GRID2: variants seen among roughly 807,000 people sequenced by gnomAD.
The protein encoded by GRID2 is glutamate receptor ionotropic, delta-2.
A neutral mutation model predicts 114.8 loss-of-function variants in GRID2; 33 were observed. The ratio of observed to expected loss-of-function variants is 0.29; its 90% CI spans 0.22 to 0.38. The LOEUF (loss-of-function observed/expected upper bound fraction) is 0.38, where lower values mean the gene tolerates loss of function less well. GRID2 is among the 10% of genes least tolerant of loss of function. GRID2 has a pLI of 1.00. For synonymous variants in GRID2, 505 were observed against 449.9 expected (o/e 1.12, Z -1.55); for missense variants, 1,184 against 1,257.7 (o/e 0.94, Z 0.89).
intron 8 of GRID2, among the ~76,000 whole-genome samples, chr4:93,374,540 T>C (rs1763204683): frequency 6.6e-6 from 1 of 152,162 alleles, no homozygotes; most frequent in African/African-American, 2.4e-5. Flanking sequence ...TGCCAGCTGG[T>C]ATCTTATTTT....
At chr4:93,041,503 T>A (rs970439769) in intron 2 of GRID2, among the ~76,000 whole-genome samples, 1 of 152,170 alleles carries the variant, frequency 6.6e-6, no homozygotes, top group Admixed American at 6.5e-5. Context: ...ATTCATTGAG[T>A]TGTAGTTAAA....
At chr4:92,728,537 T>C (rs921878035) in intron 2 of GRID2, among the ~76,000 whole-genome samples, 1 of 151,936 alleles carries the variant, frequency 6.6e-6, no homozygotes, top group Non-Finnish European at 1.5e-5. Context: ...ATAAGGAATA[T>C]AAAAGAGAAT....
At chr4:93,164,353 G>A (rs1234940122) in intron 4 of GRID2, among the ~76,000 whole-genome samples, 1 of 152,042 alleles carries the variant, frequency 6.6e-6, no homozygotes, top group Non-Finnish European at 1.5e-5. Flanking sequence ...AGTAAGGATA[G>A]CAGCACTGAG....
At chr4:93,663,828 C>T (rs1321201116) in intron 14 of GRID2, among the ~76,000 whole-genome samples, 3 of 152,130 alleles carry the variant, frequency 2.0e-5, no homozygotes, top group Non-Finnish European at 2.9e-5. Context: ...AGTAGTTACC[C>T]AGGGTATCTC....
intron 1 of GRID2, among the ~76,000 whole-genome samples, chr4:92,321,313 T>G (rs1031097084): frequency 5.3e-5 from 8 of 152,164 alleles, no homozygotes; most frequent in African/African-American, 1.7e-4. Context: ...GAAAAGACAT[T>G]TGCAAATACT....
chr4:92,315,041 G>A (rs1725896113), intron 1 of GRID2, among the ~76,000 whole-genome samples: 1 of 152,132 alleles, frequency 6.6e-6, no homozygotes, highest in South Asian at 2.1e-4. Context: ...GAAAGGAAAT[G>A]TTCTAAATTT....
chr4:92,785,698 A>C (rs1405047486), intron 2 of GRID2, among the ~76,000 whole-genome samples: 2 of 151,780 alleles, frequency 1.3e-5, no homozygotes, highest in East Asian at 3.9e-4. Context: ...TAAGCTTTTT[A>C]AATTCCTATT....
chr4:92,446,546 TGTAAA>T (rs1394450614), intron 1 of GRID2, among the ~76,000 whole-genome samples: 1 of 152,232 alleles, frequency 6.6e-6, no homozygotes, highest in Admixed American at 6.5e-5. Context: ...GAGGACCTAT[TGTAAA>T]GTTCTCTGAT....
At chr4:92,997,344 T>G (rs1365520913) in intron 2 of GRID2, among the ~76,000 whole-genome samples, 2 of 152,154 alleles carry the variant, frequency 1.3e-5, no homozygotes, top group African/African-American at 4.8e-5. Flanking sequence ...ACCTGAGCTC[T>G]GATCCTAAGA....
rs775203703 is a variant in GRID2 at position 93,059,004 on chromosome 4, A to G, written c.245-25991A>G. On this transcript the variant is annotated intron_variant, in intron 2 of 15. Coordinates refer to ENST00000282020, the MANE Select transcript of GRID2 (RefSeq NM_001510.4). Reference sequence around the variant, plus strand: ...ATAACCATTTGCATTGCACTTGATCACATAGTAGAAAGAAGCCACCTTGCA... The same window carrying G: ...ATAACCATTTGCATTGCACTTGATCGCATAGTAGAAAGAAGCCACCTTGCA... 5.4e-4 allele frequency among the ~76,000 whole-genome samples: 82 copies of G among 152,062 alleles called. 1 individual carries two copies. Among genetic ancestry groups the G allele is most frequent in the Non-Finnish European group, 8.8e-5 (6 of 68,008 alleles).
intron 2 of GRID2, among the ~76,000 whole-genome samples, chr4:92,793,482 C>CA (rs1277246048): frequency 2.6e-5 from 4 of 151,274 alleles, no homozygotes; most frequent in Admixed American, 6.6e-5. Flanking sequence ...ATTTGTACCA[C>CA]AAACCCCCAT....
intron 3 of GRID2, among the ~76,000 whole-genome samples, chr4:93,086,419 A>C (rs1730330858): frequency 6.6e-6 from 1 of 152,224 alleles, no homozygotes; most frequent in African/African-American, 2.4e-5. Flanking sequence ...ATTGAGAACA[A>C]ACAAGTTGGC....
intron 13 of GRID2, among the ~76,000 whole-genome samples, chr4:93,529,083 T>C (rs1272185568): frequency 1.3e-5 from 2 of 152,296 alleles, no homozygotes; most frequent in East Asian, 3.9e-4. Flanking sequence ...CTTAAGTCTG[T>C]AATGTCCTCT....
At chr4:92,947,837 A>C (rs908440661) in intron 2 of GRID2, among the ~76,000 whole-genome samples, 1 of 151,892 alleles carries the variant, frequency 6.6e-6, no homozygotes, top group Non-Finnish European at 1.5e-5. Flanking sequence ...TTAATATCTG[A>C]TAATCAGTAT....
chr4:92,665,198 G>A (rs549958105), intron 2 of GRID2, among the ~76,000 whole-genome samples: 4 of 148,672 alleles, frequency 2.7e-5, no homozygotes, highest in African/African-American at 9.8e-5. Flanking sequence ...GTATCCTAGA[G>A]CTTTTTTGTG....
At chr4:93,362,941 G>A (rs921088878) in intron 8 of GRID2, among the ~76,000 whole-genome samples, 37 of 152,018 alleles carry the variant, frequency 2.4e-4, no homozygotes, top group African/African-American at 8.5e-4. Context: ...TACCTGCAGC[G>A]GGGCACGGTG....
At chr4:93,179,329 TC>T (rs1314205736) in intron 4 of GRID2, among the ~76,000 whole-genome samples, 1 of 152,164 alleles carries the variant, frequency 6.6e-6, no homozygotes, top group African/African-American at 2.4e-5. Context: ...TCTACAAAGG[TC>T]AGTAATAACA....
chr4:92,714,072 C>T (rs923985332), intron 2 of GRID2, among the ~76,000 whole-genome samples: 1 of 152,152 alleles, frequency 6.6e-6, no homozygotes, highest in Non-Finnish European at 1.5e-5. Context: ...ACCTATCAGC[C>T]TGTAATATCA....
intron 1 of GRID2, among the ~76,000 whole-genome samples, chr4:92,525,272 G>GA (rs58333112): frequency 0.043 from 6,397 of 148,444 alleles, 392 homozygotes; most frequent in African/African-American, 0.14. Context: ...GGTACTCGGT[G>GA]AAAAAAAAAC....
Sources: gnomAD v4.1 joint callset for allele counts (sites outside exome capture counted in the v4.1 genomes callset) on GRCh38, gnomAD v4.1.1 for gene constraint, MANE v1.5 for transcripts, NCBI Gene and HGNC (gene_info 2026-07-23, HGNC 2026-07-21) for gene names.